Variants in MED13 observed in about 807,000 individuals in gnomAD.
MED13 encodes mediator of RNA polymerase II transcription subunit 13.
MED13 carries 23 observed loss-of-function variants against 225.2 expected under a neutral mutation model. The ratio of observed to expected loss-of-function variants is 0.10; its 90% CI spans 0.07 to 0.14. The LOEUF is 0.14. MED13 is among the 10% of genes least tolerant of loss of function. The probability of loss-of-function intolerance (pLI) is 1.00; values close to 1 mark genes in which losing one functional copy is unlikely to be tolerated. For missense variants in MED13, 2,197 were observed against 2,594.5 expected (o/e 0.85, Z 3.33); for synonymous variants, 942 against 889.2 (o/e 1.06, Z -1.06).
intron 2 of MED13, among the ~76,000 whole-genome samples, chr17:62,061,176 T>C (rs2143784855): frequency 6.6e-6 from 1 of 152,250 alleles, no homozygotes; most frequent in East Asian, 1.9e-4. Context: ...TCAAAGCAGC[T>C]CACATCTAAC....
intron 9 of MED13, among the ~76,000 whole-genome samples, chr17:62,007,773 G>A (rs868790160): frequency 2.6e-5 from 4 of 152,032 alleles, no homozygotes; most frequent in South Asian, 2.1e-4. Context: ...GCGTGAACCC[G>A]GGAGGCGGAA....
intron 23 of MED13, among the ~76,000 whole-genome samples, chr17:61,957,680 A>G (rs1347488635): frequency 6.6e-6 from 1 of 151,824 alleles, no homozygotes; most frequent in Non-Finnish European, 1.5e-5. Flanking sequence ...CAATACTTCA[A>G]ATGGAAATAG....
intron 26 of MED13, among the ~76,000 whole-genome samples, chr17:61,954,471 T>C (rs567111743): frequency 6.6e-6 from 1 of 152,304 alleles, no homozygotes. Context: ...TGACCAACTA[T>C]TGCCTTTTAA....
chr17:61,952,856 C>G, intron 27 of MED13, 109 bp downstream of exon 27: 3 of 1,312,172 alleles, frequency 2.3e-6, no homozygotes, highest in Non-Finnish European at 3.1e-6. Context: ...AGGCTGGTCT[C>G]AAACTCCTGA....
chr17:62,032,618 C>A (rs2080767666), intron 5 of MED13: 1 of 152,178 alleles, frequency 6.6e-6, no homozygotes, highest in African/African-American at 2.4e-5. Flanking sequence ...CCTCTCATGC[C>A]TCTCTGAGGT....
intron 8 of MED13, 74 bp from the exon 9 acceptor site, chr17:62,011,307 T>C (rs2080506823): frequency 8.0e-7 from 1 of 1,246,690 alleles, no homozygotes; most frequent in Non-Finnish European, 1.1e-6. Context: ...GTTAATAGTA[T>C]TAGACACTTC....
At chr17:61,984,078 A>G in intron 15 of MED13, 93 bp downstream of exon 15, 1 of 1,035,012 alleles carries the variant, frequency 9.7e-7, no homozygotes, top group South Asian at 2.6e-5. Flanking sequence ...TTCAAAAACC[A>G]ATTTTATTTT....
At chr17:62,035,722 C>T in intron 3 of MED13, 114 bp from the exon 4 acceptor site, 1 of 992,634 alleles carries the variant, frequency 1.0e-6, no homozygotes, top group Non-Finnish European at 1.4e-6. Context: ...CCCAAAAATT[C>T]TACTTCATCA....
chr17:62,012,066 A>C (rs1164160709), intron 8 of MED13, among the ~76,000 whole-genome samples: 1 of 151,764 alleles, frequency 6.6e-6, no homozygotes, highest in East Asian at 2.0e-4. Flanking sequence ...AAAATAAAAA[A>C]TTAGCCAGGT....
intron 2 of MED13, among the ~76,000 whole-genome samples, chr17:62,060,340 G>A (rs2081028669): frequency 6.6e-6 from 1 of 151,670 alleles, no homozygotes; most frequent in Non-Finnish European, 1.5e-5. Context: ...AAGTCTGACA[G>A]CAGTTAAAAC....
chr17:61,994,847 T>C (rs1193129800), intron 10 of MED13, among the ~76,000 whole-genome samples: 1 of 152,128 alleles, frequency 6.6e-6, no homozygotes, highest in African/African-American at 2.4e-5. Context: ...ATAGCTGGGA[T>C]TACAAGGCGC....
chr17:61,990,353 C>A (rs2080285165), intron 11 of MED13, among the ~76,000 whole-genome samples: 1 of 151,676 alleles, frequency 6.6e-6, no homozygotes, highest in Admixed American at 6.6e-5. Flanking sequence ...TAAAATAATT[C>A]CAAGTGTTTG....
At chr17:61,953,471 G>A (rs1442299822) in intron 26 of MED13, among the ~76,000 whole-genome samples, 2 of 152,188 alleles carry the variant, frequency 1.3e-5, no homozygotes, top group African/African-American at 4.8e-5. Context: ...GTCCTAATAA[G>A]AGGGAGGCAG....
chr17:61,953,269 GC>G (rs1275496467), intron 26 of MED13, among the ~76,000 whole-genome samples, 156 bp from the exon 27 acceptor site: 7 of 152,172 alleles, frequency 4.6e-5, no homozygotes, highest in Admixed American at 1.3e-4. Flanking sequence ...TGTGCTAAAA[GC>G]CGTACAAATA....
chr17:61,972,458 T>G (rs1228423093), intron 17 of MED13, among the ~76,000 whole-genome samples: 1 of 152,064 alleles, frequency 6.6e-6, no homozygotes, highest in Non-Finnish European at 1.5e-5. Context: ...CTAAGCAGTA[T>G]GTCCCTTTCT....
chr17:61,984,952 G>C (rs1393421826), intron 13 of MED13, 48 bp downstream of exon 13: 1 of 1,601,052 alleles, frequency 6.2e-7, no homozygotes. Flanking sequence ...GCTTTGTTGA[G>C]ATTAAAAGTT....
chr17:62,007,919 T>TG (rs965361969), intron 9 of MED13, among the ~76,000 whole-genome samples: 1 of 147,464 alleles, frequency 6.8e-6, no homozygotes, highest in African/African-American at 2.5e-5. Flanking sequence ...CTCGGGAGGC[T>TG]GAGACAGGAA....
intron 23 of MED13, among the ~76,000 whole-genome samples, chr17:61,956,732 G>T (rs777094230): frequency 7.2e-5 from 11 of 151,936 alleles, no homozygotes; most frequent in Non-Finnish European, 1.3e-4. Context: ...GTAGAGACGG[G>T]GTTTCACCGC....
Position 62,049,078 on chromosome 17 carries a change from C to CAAAAAAAAAAAAAAAAAAAAAAAAAAAAA in MED13, c.470+3458_470+3459insTTTTTTTTTTTTTTTTTTTTTTTTTTTTT, listed in dbSNP as rs890393330. 7.7e-4 allele frequency among the ~76,000 whole-genome samples: 35 copies of CAAAAAAAAAAAAAAAAAAAAAAAAAAAAA among 45,298 alleles called. 2 individuals carry two copies. Among genetic ancestry groups the CAAAAAAAAAAAAAAAAAAAAAAAAAAAAA allele is most frequent in the African/African-American group, 1.3e-3 (15 of 11,512 alleles). The allele number at this position is 45,298 out of a possible 152,430, so 29.7% of individuals were successfully genotyped here. On this transcript the variant is annotated intron_variant, in intron 3 of 29. Transcript: ENST00000397786. ...GGCACCACCATAACAGTAAATAAGA[C>CAAAAAAAAAAAAAAAAAAAAAAAAAAAAA]AAAAAAAAAAAAAAAAAGGAGAAAT...
Sources: allele counts gnomAD v4.1 joint callset (sites outside exome capture counted in the v4.1 genomes callset), GRCh38; gene constraint gnomAD v4.1.1; transcripts MANE v1.5; gene names NCBI Gene and HGNC (gene_info 2026-07-23, HGNC 2026-07-21).